The following ASXL3 variants were observed in gnomAD, a reference collection of about 807,000 sequenced individuals.
ASXL3 encodes ASXL transcriptional regulator 3.
In ASXL3, 34 loss-of-function variants were observed where a neutral mutation model predicts 170.6. That is an observed-to-expected ratio of 0.20 (90% CI 0.15 to 0.27). The LOEUF (loss-of-function observed/expected upper bound fraction) is 0.27, where lower values mean the gene tolerates loss of function less well. Among genes scored for constraint, ASXL3 ranks in the 10% least tolerant of loss-of-function variants. ASXL3 has a pLI of 1.00. For synonymous variants in ASXL3, 1,002 were observed against 989.1 expected (o/e 1.01, Z -0.24); for missense variants, 2,592 against 2,695.3 (o/e 0.96, Z 0.85).
At chr18:33,670,646 GTTATA>G in intron 5 of ASXL3, 22 bp from the exon 6 acceptor site, 8 of 1,393,996 alleles carry the variant, frequency 5.7e-6, no homozygotes, top group Non-Finnish European at 7.9e-6. Flanking sequence ...ATATTTTTAT[GTTATA>G]TCTTTTTATT....
At chr18:33,647,689 T>G (rs929895921) in intron 4 of ASXL3, among the ~76,000 whole-genome samples, 12 of 152,086 alleles carry the variant, frequency 7.9e-5, no homozygotes, top group Admixed American at 2.0e-4. Flanking sequence ...ATACTGAGCT[T>G]CTTTCATGTG....
In ASXL3 at chr18:33,747,272, C is replaced by T. The variant is rs1426948926; in HGVS notation, c.*677C>T. 6.6e-6 allele frequency: 1 copy of T among 152,098 alleles called. No individual in the cohort carries two copies. Among genetic ancestry groups the T allele is most frequent in the Non-Finnish European group, 1.5e-5 (1 of 68,032 alleles). The allele number at this position is 152,098 out of a possible 1,614,324, so 9.4% of individuals were successfully genotyped here. On this transcript the variant is annotated 3_prime_UTR_variant, in exon 12 of 12. Transcript: ENST00000269197. Reference sequence around the variant, plus strand: ...ACATATTGTAGTGAAATGTGTCCTACATCTGAAATTGCATGGGACTCATGC... The same window carrying T: ...ACATATTGTAGTGAAATGTGTCCTATATCTGAAATTGCATGGGACTCATGC...
chr18:33,647,692 T>C (rs529299074), intron 4 of ASXL3, among the ~76,000 whole-genome samples: 27 of 152,056 alleles, frequency 1.8e-4, no homozygotes, highest in Non-Finnish European at 3.7e-4. Flanking sequence ...CTGAGCTTCT[T>C]TCATGTGCCA....
rs1377918830 is a variant in ASXL3 at position 33,646,337 on chromosome 18, T to C, written c.339T>C (p.His113=). ...CAGATATGGCCGAGGCAAATGCCCATGGAGAAGAAAATGGAGGTAAGTGTG... is the reference window on the plus strand; with the variant it reads ...CAGATATGGCCGAGGCAAATGCCCACGGAGAAGAAAATGGAGGTAAGTGTG... The part of the protein sequence containing the change: ...DGTDMAEANA[H]GEENGVCSKQ... Residue 113 remains histidine, a synonymous_variant, in exon 4 of 12, where the codon CAT becomes CAC. Transcript: ENST00000269197. 1.2e-6 allele frequency: 2 copies of C among 1,609,456 alleles called. No homozygotes were observed. Among genetic ancestry groups the C allele is most frequent in the Admixed American group, 3.4e-5 (2 of 59,602 alleles).
chr18:33,734,338 G>C lies in ASXL3; in HGVS notation c.1005G>C (p.Arg335=), dbSNP rs1177820265. 1 of 1,606,810 alleles carries C rather than the reference G, an allele frequency of 6.2e-7. No homozygotes were observed. Among genetic ancestry groups the C allele is most frequent in the South Asian group, 1.1e-5 (1 of 89,438 alleles). Reference sequence around the variant, plus strand: ...AGTTTACCCCAGAAATGCAGTTGCGGATAAGGCAAGAAATTGAGAAGGAAA... The same window carrying C: ...AGTTTACCCCAGAAATGCAGTTGCGCATAAGGCAAGAAATTGAGAAGGAAA... ...EGEFTPEMQL[R]IRQEIEKEKK... is the part of the protein sequence containing the mutation. Residue 335 remains arginine (R), a synonymous_variant, in exon 10 of 12, where the codon CGG becomes CGC. Coordinates refer to ENST00000269197, the MANE Select transcript of ASXL3 (RefSeq NM_030632.3).
intron 8 of ASXL3, among the ~76,000 whole-genome samples, chr18:33,724,981 C>A (rs963285180): frequency 8.6e-5 from 13 of 151,956 alleles, no homozygotes; most frequent in African/African-American, 2.9e-4. Flanking sequence ...GTGGATAAAT[C>A]TTGAGCATGT....
intron 4 of ASXL3, 86 bp from the exon 5 acceptor site, chr18:33,661,530 T>C: frequency 7.5e-7 from 1 of 1,328,832 alleles, no homozygotes; most frequent in Non-Finnish European, 1.0e-6. Context: ...CCATTTTCAA[T>C]TGCAGAAAAG....
chr18:33,645,622 A>G (rs1305619366), intron 3 of ASXL3, among the ~76,000 whole-genome samples: 1 of 151,980 alleles, frequency 6.6e-6, no homozygotes, highest in Non-Finnish European at 1.5e-5. Flanking sequence ...CCAGAAGACA[A>G]AAGCTTATAA....
At chr18:33,603,961 G>A (rs1339711579) in intron 1 of ASXL3, among the ~76,000 whole-genome samples, 1 of 152,068 alleles carries the variant, frequency 6.6e-6, no homozygotes, top group Non-Finnish European at 1.5e-5. Flanking sequence ...TCCTGGCAGT[G>A]CTAGTTCCAA....
intron 7 of ASXL3, among the ~76,000 whole-genome samples, chr18:33,673,724 A>G (rs2066384064): frequency 6.6e-6 from 1 of 152,184 alleles, no homozygotes; most frequent in South Asian, 2.1e-4. Flanking sequence ...TTAGAGAATC[A>G]GAATTTGTTT....
At chr18:33,599,256 A>G (rs2065159301) in intron 1 of ASXL3, among the ~76,000 whole-genome samples, 1 of 152,174 alleles carries the variant, frequency 6.6e-6, no homozygotes, top group Admixed American at 6.6e-5. Flanking sequence ...AGGAAGATGC[A>G]TATGTTAGAG....
chr18:33,749,322 T>A lies in ASXL3; in HGVS notation c.*2727T>A, dbSNP rs192589976. On this transcript the variant is annotated 3_prime_UTR_variant, in exon 12 of 12. Transcript: ENST00000269197. ...GTGTCTGCTATGTGCAAATGTAGTA[T>A]ATTATTTACTACATGGTTATTGTGG... 6 of 152,268 alleles carry A rather than the reference T, an allele frequency of 3.9e-5. No homozygotes were observed. The highest frequency in any genetic ancestry group is 1.4e-4 in the African/African-American group (6 of 41,532). 9.4% of individuals were successfully genotyped at this position (152,268 alleles called of 1,614,324 possible).
At chr18:33,625,481 T>C (rs1216505592) in intron 2 of ASXL3, among the ~76,000 whole-genome samples, 1 of 152,174 alleles carries the variant, frequency 6.6e-6, no homozygotes, top group East Asian at 1.9e-4. Flanking sequence ...ACTCTCTCTT[T>C]CAAAATAATG....
rs769731760 is a variant in ASXL3 at position 33,743,946 on chromosome 18, C to A, written c.4098C>A (p.Asn1366Lys). 9.9e-6 allele frequency: 16 copies of A among 1,614,024 alleles called. No individual in the cohort carries two copies. Among genetic ancestry groups the A allele is most frequent in the Non-Finnish European group, 1.4e-5 (16 of 1,179,892 alleles). Residue 1366 changes from asparagine to lysine, a missense_variant, in exon 12 of 12, where the codon AAC becomes AAA. Physicochemically the swap from Asn to Lys is moderately conservative, Grantham distance 94. Coordinates refer to ENST00000269197, the MANE Select transcript of ASXL3 (RefSeq NM_030632.3). ...TCTTGATTCCCCCAATGGGAATTAACAACAGATTTCCTTCTGAGAAGATAG... is the reference window on the plus strand; with the variant it reads ...TCTTGATTCCCCCAATGGGAATTAAAAACAGATTTCCTTCTGAGAAGATAG... ...SSVLIPPMGI[N>K]NRFPSEKIAI... is the part of the protein sequence containing the mutation.
intron 2 of ASXL3, among the ~76,000 whole-genome samples, chr18:33,639,714 C>T (rs1011352769): frequency 2.0e-5 from 3 of 152,000 alleles, no homozygotes; most frequent in South Asian, 2.1e-4. Flanking sequence ...TGTGGCTGTA[C>T]GAATCGCTAT....
chr18:33,581,192 A>G (rs1347126739), intron 1 of ASXL3, among the ~76,000 whole-genome samples: 6 of 152,184 alleles, frequency 3.9e-5, no homozygotes, highest in Admixed American at 1.3e-4. Context: ...TCAATTAAAA[A>G]AAGTTTTTAA....
chr18:33,612,052 AT>A (rs1175678930), intron 2 of ASXL3, among the ~76,000 whole-genome samples: 2 of 152,028 alleles, frequency 1.3e-5, no homozygotes, highest in Non-Finnish European at 2.9e-5. Context: ...GTGAGGAATA[AT>A]TTTTTATGTG....
intron 8 of ASXL3, among the ~76,000 whole-genome samples, chr18:33,712,942 C>G (rs937258141): frequency 6.6e-6 from 1 of 152,106 alleles, no homozygotes; most frequent in African/African-American, 2.4e-5. Flanking sequence ...GTCCCATCTG[C>G]TGCCAGGCTA....
At chr18:33,671,308 T>C (rs1206488935) in intron 6 of ASXL3, among the ~76,000 whole-genome samples, 1 of 152,194 alleles carries the variant, frequency 6.6e-6, no homozygotes, top group Non-Finnish European at 1.5e-5. Context: ...ATTCTATTTA[T>C]TGTGGATTAA....
Sources: gnomAD v4.1 joint callset for allele counts (sites outside exome capture counted in the v4.1 genomes callset) on GRCh38, gnomAD v4.1.1 for gene constraint, MANE v1.5 for transcripts, NCBI Gene and HGNC (gene_info 2026-07-23, HGNC 2026-07-21) for gene names.